GALNT13: variants seen among roughly 807,000 people sequenced by gnomAD.
The protein encoded by GALNT13 is polypeptide N-acetylgalactosaminyltransferase 13.
GALNT13 carries 28 observed loss-of-function variants against 64.2 expected under a neutral mutation model. The observed-to-expected ratio is 0.44, with a 90% CI of 0.32 to 0.60. The LOEUF (loss-of-function observed/expected upper bound fraction) is 0.60. Ranked by LOEUF, GALNT13 falls within the 20% of genes least tolerant of loss-of-function variation. The pLI, the probability that GALNT13 is intolerant of heterozygous loss-of-function variation, is 0.05. For missense variants in GALNT13, 577 were observed against 669.8 expected, an observed-to-expected ratio of 0.86 and a Z score of 1.53; for synonymous variants, 214 against 224.6, an observed-to-expected ratio of 0.95 and a Z score of 0.42.
chr2:153,546,913 G>C, the GALNT13 span, among the ~76,000 whole-genome samples: 6 of 152,126 alleles, frequency 3.9e-5, no homozygotes, highest in Non-Finnish European at 7.4e-5. Context: ...TCTATTCTGA[G>C]AGATGAGATT....
intron 4 of GALNT13, among the ~76,000 whole-genome samples, chr2:154,228,730 G>A (rs766491511): frequency 6.6e-6 from 1 of 152,118 alleles, no homozygotes; most frequent in Non-Finnish European, 1.5e-5. Flanking sequence ...ACAGGAACTA[G>A]GGAGGAGTAA....
chr2:153,287,768 A>G, the GALNT13 span, among the ~76,000 whole-genome samples: 5 of 151,974 alleles, frequency 3.3e-5, no homozygotes, highest in African/African-American at 1.2e-4. Context: ...TGTGCCCGCT[A>G]TGGTCTCTGT....
At chr2:154,019,602 C>A (rs974590410) in intron 3 of GALNT13, among the ~76,000 whole-genome samples, 7 of 126,528 alleles carry the variant, frequency 5.5e-5, no homozygotes, top group African/African-American at 9.5e-5. Context: ...GAGTAAGACT[C>A]CACACACACA....
the GALNT13 span, among the ~76,000 whole-genome samples, chr2:153,694,069 C>G: frequency 1.3e-5 from 2 of 152,140 alleles, no homozygotes; most frequent in East Asian, 3.9e-4. Context: ...GATCATGCCA[C>G]TGCACTCCAG....
intron 4 of GALNT13, among the ~76,000 whole-genome samples, chr2:154,231,234 T>G (rs1207990221): frequency 6.6e-6 from 1 of 152,116 alleles, no homozygotes; most frequent in Non-Finnish European, 1.5e-5. Context: ...TTCCTGGCAA[T>G]ACATACCTCC....
At chr2:153,616,002 C>G in the GALNT13 span, among the ~76,000 whole-genome samples, 1 of 152,010 alleles carries the variant, frequency 6.6e-6, no homozygotes, top group African/African-American at 2.4e-5. Context: ...TCAAGAAATT[C>G]TTGCTCAGAC....
intron 2 of GALNT13, among the ~76,000 whole-genome samples, chr2:153,928,533 G>T (rs10497138): frequency 0.72 from 108,729 of 151,912 alleles, 39,236 homozygotes; most frequent in East Asian, 0.96. Flanking sequence ...CCCCTCTTGA[G>T]GACTATTAAT....
At chr2:153,644,662 A>G in the GALNT13 span, among the ~76,000 whole-genome samples, 1 of 151,978 alleles carries the variant, frequency 6.6e-6, no homozygotes, top group African/African-American at 2.4e-5. Context: ...CTACCCCTTC[A>G]CCAACCCACC....
At chr2:153,886,959 T>G (rs1687223037) in intron 1 of GALNT13, among the ~76,000 whole-genome samples, 1 of 151,998 alleles carries the variant, frequency 6.6e-6, no homozygotes, top group Admixed American at 6.6e-5. Flanking sequence ...ATCACATAAA[T>G]GTAGTTTAAA....
chr2:153,316,407 C>T, the GALNT13 span, among the ~76,000 whole-genome samples: 907 of 151,994 alleles, frequency 6.0e-3, 10 homozygotes, highest in African/African-American at 0.021. Flanking sequence ...CTTTGGGAGG[C>T]CGAGGAGGGT....
At chr2:153,499,084 C>T in the GALNT13 span, among the ~76,000 whole-genome samples, 1 of 152,158 alleles carries the variant, frequency 6.6e-6, no homozygotes, top group Non-Finnish European at 1.5e-5. Context: ...ATCTCCTTAC[C>T]TCGTGATCCG....
chr2:153,438,226 T>C, the GALNT13 span, among the ~76,000 whole-genome samples: 1 of 152,250 alleles, frequency 6.6e-6, no homozygotes, highest in East Asian at 1.9e-4. Context: ...CCTTTGTGGG[T>C]AACCTGACCT....
the GALNT13 span, among the ~76,000 whole-genome samples, chr2:153,350,689 T>C: frequency 6.6e-6 from 1 of 152,056 alleles, no homozygotes; most frequent in African/African-American, 2.4e-5. Flanking sequence ...GGTTATGCAT[T>C]GTCAAGTTTC....
the GALNT13 span, chr2:153,478,219 C>CG: frequency 6.3e-7 from 1 of 1,594,550 alleles, no homozygotes; most frequent in Non-Finnish European, 8.6e-7. Flanking sequence ...GCGGTTGCCG[C>CG]GGGGGCAGAG....
chr2:153,403,510 G>C, the GALNT13 span, among the ~76,000 whole-genome samples: 1 of 152,178 alleles, frequency 6.6e-6, no homozygotes, highest in Non-Finnish European at 1.5e-5. Flanking sequence ...GGCAAAGGCG[G>C]GCGCCCCTCC....
intron 9 of GALNT13, among the ~76,000 whole-genome samples, chr2:154,394,120 CTTTAAATT>C (rs1364342758): frequency 3.5e-5 from 3 of 85,514 alleles, no homozygotes; most frequent in Non-Finnish European, 7.1e-5. Context: ...GCAAATGAAA[CTTTAAATT>C]TTCATTTCAA....
the GALNT13 span, among the ~76,000 whole-genome samples, chr2:153,625,914 C>T: frequency 2.0e-5 from 3 of 152,086 alleles, no homozygotes; most frequent in Admixed American, 2.0e-4. Context: ...ATTTCAGCTC[C>T]CTGCTGAAAT....
At chr2:153,250,311 C>T in the GALNT13 span, among the ~76,000 whole-genome samples, 4 of 152,254 alleles carry the variant, frequency 2.6e-5, no homozygotes, top group African/African-American at 7.2e-5. Flanking sequence ...ATTAGAGAAA[C>T]GCAAATCAAA....
the GALNT13 span, among the ~76,000 whole-genome samples, chr2:153,290,984 T>C: frequency 6.6e-6 from 1 of 152,218 alleles, no homozygotes; most frequent in Non-Finnish European, 1.5e-5. Flanking sequence ...GATGTTGTTT[T>C]ACATTTTCCT....
Sources: allele counts gnomAD v4.1 joint callset (sites outside exome capture counted in the v4.1 genomes callset), GRCh38; gene constraint gnomAD v4.1.1; transcripts MANE v1.5; gene names NCBI Gene and HGNC (gene_info 2026-07-23, HGNC 2026-07-21).